Variants in HABP2 observed in about 807,000 individuals in gnomAD.
The protein encoded by HABP2 is factor VII-activating protease.
A neutral mutation model predicts 66.5 loss-of-function variants in HABP2; 65 were observed. That is an observed-to-expected ratio of 0.98 (90% CI 0.80 to 1.20). HABP2 has a LOEUF of 1.20. HABP2 is among the 50% of genes most tolerant of loss of function. The pLI is 0.00. For missense variants in HABP2, 786 were observed against 691.0 expected (o/e 1.14, Z -1.54); for synonymous variants, 263 against 253.9 (o/e 1.04, Z -0.34).
At chr10:113,566,192 A>C (rs1426508899) in intron 1 of HABP2, among the ~76,000 whole-genome samples, 3 of 152,146 alleles carry the variant, frequency 2.0e-5, no homozygotes, top group African/African-American at 7.2e-5. Flanking sequence ...TAGTGGTAGA[A>C]CTCGCATTTC....
rs1478169512 is a variant in HABP2 at position 113,588,324 on chromosome 10, C to T, written c.1638C>T (p.Phe546=). ...RPGVYTQVTK[F]LNWIKATIKS... is the part of the protein sequence containing the mutation. ...GGGTCTACACCCAAGTTACCAAATT[C>T]CTGAATTGGATCAAAGCCACCATCA... The change falls in exon 13 of 13, where the codon TTC becomes TTT. Residue 546 remains phenylalanine (F), a synonymous_variant. Transcript: ENST00000351270. The T allele has an allele frequency of 6.2e-7, 1 of 1,613,710 alleles. No individual in the cohort carries two copies. The highest frequency in any genetic ancestry group is 8.5e-7 in the Non-Finnish European group (1 of 1,179,766).
At chr10:113,580,180 G>A (rs1051664792) in intron 7 of HABP2, among the ~76,000 whole-genome samples, 1 of 151,122 alleles carries the variant, frequency 6.6e-6, no homozygotes, top group East Asian at 2.0e-4. Context: ...GGGGAGGGGG[G>A]GCCTCTTGGC....
intron 11 of HABP2, among the ~76,000 whole-genome samples, chr10:113,585,045 C>A (rs1035507267): frequency 4.6e-5 from 7 of 152,168 alleles, no homozygotes; most frequent in African/African-American, 1.4e-4. Context: ...GCGAGAATCA[C>A]GATAAATAAG....
intron 2 of HABP2, among the ~76,000 whole-genome samples, chr10:113,567,915 C>T (rs1002757247): frequency 4.6e-5 from 7 of 152,160 alleles, no homozygotes; most frequent in African/African-American, 1.2e-4. Context: ...CCAGGCAGGC[C>T]GCTCCACCTC....
chr10:113,577,058 C>T, intron 4 of HABP2, 92 bp from the exon 5 acceptor site: 2 of 767,192 alleles, frequency 2.6e-6, no homozygotes, highest in East Asian at 4.9e-5. Flanking sequence ...CAGACACTGT[C>T]AGTCACCCCA....
intron 9 of HABP2, among the ~76,000 whole-genome samples, chr10:113,582,717 G>C (rs1044434166): frequency 1.3e-5 from 2 of 152,178 alleles, no homozygotes; most frequent in African/African-American, 4.8e-5. Context: ...GTGTGCCTTA[G>C]AGAAGCAAGT....
chr10:113,574,139 C>T (rs748289525), intron 2 of HABP2, 150 bp from the exon 3 acceptor site: 7 of 543,398 alleles, frequency 1.3e-5, no homozygotes, highest in Non-Finnish European at 2.3e-5. Flanking sequence ...CCCTCCTTTC[C>T]ACTCCCCTCA....
At chr10:113,565,210 T>C (rs1221791186) in intron 1 of HABP2, among the ~76,000 whole-genome samples, 1 of 152,242 alleles carries the variant, frequency 6.6e-6, no homozygotes, top group African/African-American at 2.4e-5. Flanking sequence ...CTCAAGAAAG[T>C]CAACATTGAC....
At chr10:113,570,297 A>T (rs1410207908) in intron 2 of HABP2, 4 of 152,372 alleles carry the variant, frequency 2.6e-5, no homozygotes, top group Admixed American at 2.6e-4. Flanking sequence ...TTAGTGTCTG[A>T]TACATAGAAA....
chr10:113,575,912 A>G lies in HABP2; in HGVS notation c.239A>G (p.Asn80Ser), dbSNP rs750100218. ...TEDQADPCQP[N>S]PCEHGGDCLV... ...TGTGTCTTAGATCCATGCCAGCCCA[A>G]CCCCTGTGAACACGGTGGGGACTGC... Residue 80 changes from asparagine to serine, a missense_variant, in exon 4 of 13, where the codon AAC (asparagine) becomes AGC (serine). Transcript: ENST00000351270. 4.4e-6 allele frequency: 7 copies of G among 1,606,412 alleles called. No individual in the cohort carries two copies. In the African/African-American group the frequency reaches 9.4e-5, roughly 22 times the overall value.
intron 2 of HABP2, among the ~76,000 whole-genome samples, chr10:113,568,419 T>C (rs1242911989): frequency 6.6e-6 from 1 of 152,174 alleles, no homozygotes; most frequent in Non-Finnish European, 1.5e-5. Flanking sequence ...CAAAGTCAGT[T>C]TGACAGTCAA....
intron 1 of HABP2, among the ~76,000 whole-genome samples, chr10:113,557,069 A>T (rs191074562): frequency 3.3e-5 from 5 of 152,220 alleles, no homozygotes; most frequent in African/African-American, 1.2e-4. Flanking sequence ...CAAGTTTGGG[A>T]TGGGCAAGTG....
At chr10:113,582,304 G>A (rs1449871483) in intron 9 of HABP2, among the ~76,000 whole-genome samples, 173 bp downstream of exon 9, 2 of 152,234 alleles carry the variant, frequency 1.3e-5, no homozygotes, top group Non-Finnish European at 2.9e-5. Flanking sequence ...TGTCTGGAAT[G>A]TTTACCATGG....
chr10:113,585,287 G>T (rs927228986), intron 11 of HABP2, among the ~76,000 whole-genome samples: 3 of 152,196 alleles, frequency 2.0e-5, no homozygotes, highest in Non-Finnish European at 4.4e-5. Context: ...GAATTATTTT[G>T]CTTTTCATAA....
chr10:113,574,621 C>T (rs1455195082), intron 3 of HABP2, among the ~76,000 whole-genome samples: 1 of 152,180 alleles, frequency 6.6e-6, no homozygotes, highest in Non-Finnish European at 1.5e-5. Flanking sequence ...CCTCAAATGA[C>T]AGATGAGGTA....
At chr10:113,559,902 C>G (rs11575631) in intron 1 of HABP2, among the ~76,000 whole-genome samples, 1 of 152,166 alleles carries the variant, frequency 6.6e-6, no homozygotes, top group African/African-American at 2.4e-5. Flanking sequence ...CATAGGTGAT[C>G]GGCGTCAGAG....
At position 113,588,913 on chromosome 10, in the gene HABP2, G is replaced by A; in HGVS notation, c.*544G>A. 1 of 1,348,216 alleles carries A rather than the reference G, an allele frequency of 7.4e-7. No homozygotes were observed. The highest frequency in any genetic ancestry group is 1.1e-6 in the Non-Finnish European group (1 of 941,984). 83.5% of individuals were successfully genotyped at this position (1,348,216 alleles called of 1,614,324 possible). On this transcript the variant is annotated 3_prime_UTR_variant, in exon 13 of 13. Coordinates refer to ENST00000351270, the MANE Select transcript of HABP2 (RefSeq NM_004132.5). ...CAGCTTGCCGAAATCAAAGCCATCTGAAGCCTGTCTCTGGTGAACAAACTT... is the reference window on the plus strand; with the variant it reads ...CAGCTTGCCGAAATCAAAGCCATCTAAAGCCTGTCTCTGGTGAACAAACTT...
chr10:113,551,461 T>C (rs1230455817), upstream of HABP2, among the ~76,000 whole-genome samples: 1 of 152,138 alleles, frequency 6.6e-6, no homozygotes, highest in Non-Finnish European at 1.5e-5. Flanking sequence ...TTTATGGTTG[T>C]CATAAGGATT....
At chr10:113,553,902 T>A (rs1270210826) in intron 1 of HABP2, among the ~76,000 whole-genome samples, 1 of 152,122 alleles carries the variant, frequency 6.6e-6, no homozygotes, top group Admixed American at 6.5e-5. Flanking sequence ...TCCAAGAGTG[T>A]CAGATGGATC....
Sources: gnomAD v4.1 joint callset for allele counts (sites outside exome capture counted in the v4.1 genomes callset) on GRCh38, gnomAD v4.1.1 for gene constraint, MANE v1.5 for transcripts, NCBI Gene and HGNC (gene_info 2026-07-23, HGNC 2026-07-21) for gene names.